COL25A1: variants seen among roughly 807,000 people sequenced by gnomAD.
COL25A1 encodes the protein collagen type XXV alpha 1 chain, also known as collagen alpha-1(XXV) chain.
A neutral mutation model predicts 128.4 loss-of-function variants in COL25A1; 103 were observed. That is an observed-to-expected ratio of 0.80 (90% CI 0.68 to 0.94). COL25A1 has a LOEUF of 0.94. Among genes scored for constraint, COL25A1 ranks in the 40% least tolerant of loss-of-function variants. The pLI, the probability that COL25A1 is intolerant of heterozygous loss-of-function variation, is 0.00. For synonymous variants in COL25A1, 279 were observed against 277.2 expected (o/e 1.01, Z -0.06); for missense variants, 745 against 840.0 (o/e 0.89, Z 1.40).
At position 108,974,604 on chromosome 4, in the gene COL25A1, T is replaced by C. The variant is rs757255346; in HGVS notation, c.439-45A>G. ...AAAAAATTTTAATTAAAAAAAGATATTGTAAACTGAATAGATCAGCCAGGT... is the reference window on the plus strand; with the variant it reads ...AAAAAATTTTAATTAAAAAAAGATACTGTAAACTGAATAGATCAGCCAGGT... On this transcript the variant is annotated intron_variant, in intron 6 of 37. Transcript: ENST00000399132. The C allele has an allele frequency of 2.3e-5, 33 of 1,463,838 alleles. No homozygotes were observed. In the East Asian group the frequency reaches 4.4e-4, roughly 20 times the overall value. The allele number at this position is 1,463,838 out of a possible 1,614,324, so 90.7% of individuals were successfully genotyped here.
chr4:109,210,900 C>T lies in COL25A1; in HGVS notation c.367+89683G>A, dbSNP rs560395748. ...ACGGATGGTGCTGGAGGCCATTATC[C>T]TAAGCGAGTTAACACAGGAACAGAA... On this transcript the variant is annotated intron_variant, in intron 3 of 37. Coordinates refer to ENST00000399132, the MANE Select transcript of COL25A1 (RefSeq NM_198721.4). Among the ~76,000 whole-genome samples, 8 of 152,092 alleles carry T rather than the reference C, an allele frequency of 5.3e-5. No homozygotes were observed. The South Asian group carries it at 8.3e-4, about 16-fold the overall frequency.
intron 6 of COL25A1, among the ~76,000 whole-genome samples, chr4:109,008,240 T>C (rs1410178753): frequency 6.6e-6 from 1 of 152,164 alleles, no homozygotes; most frequent in Non-Finnish European, 1.5e-5. Context: ...ACGTCAACAG[T>C]AAAGGCAGGG....
intron 32 of COL25A1, among the ~76,000 whole-genome samples, chr4:108,827,985 AG>A (rs954926754): frequency 8.5e-5 from 13 of 152,080 alleles, no homozygotes; most frequent in African/African-American, 3.1e-4. Context: ...GAATATACAC[AG>A]GAGGGTTCTG....
intron 13 of COL25A1, among the ~76,000 whole-genome samples, chr4:108,903,817 A>G (rs1249929526): frequency 1.3e-5 from 2 of 152,056 alleles, no homozygotes; most frequent in Non-Finnish European, 2.9e-5. Flanking sequence ...GAATATCACA[A>G]TTTTAATTAT....
intron 18 of COL25A1, among the ~76,000 whole-genome samples, chr4:108,888,157 T>G (rs992606670): frequency 6.6e-6 from 1 of 152,096 alleles, no homozygotes; most frequent in African/African-American, 2.4e-5. Flanking sequence ...GTTTTTAAAT[T>G]AGAGAAATGT....
At chr4:109,238,899 T>C (rs1382480365) in intron 3 of COL25A1, among the ~76,000 whole-genome samples, 1 of 152,020 alleles carries the variant, frequency 6.6e-6, no homozygotes, top group East Asian at 1.9e-4. Context: ...CTTTTGATGA[T>C]AGATAACAGC....
intron 5 of COL25A1, among the ~76,000 whole-genome samples, chr4:109,046,281 G>A (rs3096477): frequency 0.5 from 76,090 of 151,962 alleles, 21,079 homozygotes; most frequent in African/African-American, 0.73. Flanking sequence ...TTATTTCTAT[G>A]TAATAAGAAA....
At chr4:109,166,866 T>C (rs925309437) in intron 3 of COL25A1, among the ~76,000 whole-genome samples, 7 of 152,204 alleles carry the variant, frequency 4.6e-5, no homozygotes, top group Non-Finnish European at 8.8e-5. Flanking sequence ...TGCTGAGTGA[T>C]AGACATTTCC....
At chr4:108,913,283 T>TTTTTTTTTTTTTTA (rs1744470434) in intron 13 of COL25A1, among the ~76,000 whole-genome samples, 2 of 146,542 alleles carry the variant, frequency 1.4e-5, no homozygotes, top group Admixed American at 1.4e-4. Flanking sequence ...TTTTTTTTTT[T>TTTTTTTTTTTTTTA]AAGACGGAGT....
intron 5 of COL25A1, among the ~76,000 whole-genome samples, chr4:109,044,924 G>A (rs1028122087): frequency 6.6e-6 from 1 of 152,108 alleles, no homozygotes; most frequent in Admixed American, 6.5e-5. Flanking sequence ...ATATACAGTT[G>A]ACCTTAAACA....
intron 3 of COL25A1, among the ~76,000 whole-genome samples, chr4:109,107,770 GA>G (rs1766583017): frequency 6.6e-6 from 1 of 152,096 alleles, no homozygotes; most frequent in Non-Finnish European, 1.5e-5. Context: ...CACAAAAGAG[GA>G]CCACCAACGT....
intron 19 of COL25A1, among the ~76,000 whole-genome samples, chr4:108,875,075 G>T (rs942409546): frequency 1.3e-5 from 2 of 152,212 alleles, no homozygotes; most frequent in Non-Finnish European, 2.9e-5. Flanking sequence ...ATAGTGTGTG[G>T]AAGGGAATGA....
intron 3 of COL25A1, among the ~76,000 whole-genome samples, chr4:109,243,952 G>T (rs1319570814): frequency 6.6e-6 from 1 of 151,926 alleles, no homozygotes; most frequent in Non-Finnish European, 1.5e-5. Flanking sequence ...AGTACTGAAG[G>T]CAGTGAAGTT....
At chr4:109,014,637 T>C (rs1177998606) in intron 5 of COL25A1, among the ~76,000 whole-genome samples, 1 of 152,196 alleles carries the variant, frequency 6.6e-6, no homozygotes, top group African/African-American at 2.4e-5. Context: ...CAAACAGCCA[T>C]AAATGACTGT....
intron 3 of COL25A1, among the ~76,000 whole-genome samples, chr4:109,149,503 AT>A: frequency 6.6e-6 from 1 of 152,278 alleles, no homozygotes; most frequent in Non-Finnish European, 1.5e-5. Context: ...GTGATTTTAA[AT>A]AATAAAATAT....
intron 3 of COL25A1, among the ~76,000 whole-genome samples, chr4:109,218,016 C>A (rs1778129333): frequency 6.6e-6 from 1 of 152,028 alleles, no homozygotes; most frequent in Non-Finnish European, 1.5e-5. Flanking sequence ...CAGGTTTGTG[C>A]TGTGGCGATC....
chr4:108,940,219 C>T (rs936820252), intron 10 of COL25A1, among the ~76,000 whole-genome samples: 1 of 152,134 alleles, frequency 6.6e-6, no homozygotes, highest in Non-Finnish European at 1.5e-5. Context: ...TGGGAATGGG[C>T]AACTCCAATC....
intron 8 of COL25A1, among the ~76,000 whole-genome samples, chr4:108,970,493 T>G (rs1486929911): frequency 6.6e-6 from 1 of 152,222 alleles, no homozygotes; most frequent in Admixed American, 6.5e-5. Flanking sequence ...TTTTGAAATA[T>G]GTATACATCA....
At chr4:109,133,930 T>C (rs1254164333) in intron 3 of COL25A1, among the ~76,000 whole-genome samples, 1 of 152,100 alleles carries the variant, frequency 6.6e-6, no homozygotes, top group African/African-American at 2.4e-5. Context: ...CTGATTGAGA[T>C]TTTCACAAAA....
Sources: allele counts gnomAD v4.1 joint callset (sites outside exome capture counted in the v4.1 genomes callset), GRCh38; gene constraint gnomAD v4.1.1; transcripts MANE v1.5; gene names NCBI Gene and HGNC (gene_info 2026-07-23, HGNC 2026-07-21).